Variants in SMG6 observed in about 807,000 individuals in gnomAD.
SMG6 encodes SMG6 nonsense mediated mRNA decay factor.
A neutral mutation model predicts 142.2 loss-of-function variants in SMG6; 66 were observed. The ratio of observed to expected loss-of-function variants is 0.46; its 90% CI spans 0.38 to 0.57. The LOEUF is 0.57. SMG6 is among the 20% of genes least tolerant of loss of function. SMG6 has a pLI of 0.00. For missense variants in SMG6, 1,793 were observed against 1,832.0 expected (o/e 0.98, Z 0.39); for synonymous variants, 779 against 702.4 (o/e 1.11, Z -1.72).
rs757197344 is a variant in SMG6 at position 2,061,475 on chromosome 17, G to GC, written c.*16dup. The stretch of plus-strand genomic sequence containing the variant: ...TCAGGAACGGTTCCACGGGGGGGGG[G>GC]CCCCAGTGTGGCTCCCTCAGCCCAC... On this transcript the variant is annotated 3_prime_UTR_variant, in exon 19 of 19. Coordinates refer to ENST00000263073, the MANE Select transcript of SMG6 (RefSeq NM_017575.5). 3.2e-6 allele frequency: 5 copies of GC among 1,565,316 alleles called. No individual in the cohort carries two copies. The highest frequency in any genetic ancestry group is 3.6e-5 in the Admixed American group (2 of 55,146).
chr17:2,240,810 G>A (rs563097980), intron 9 of SMG6, among the ~76,000 whole-genome samples: 5 of 152,330 alleles, frequency 3.3e-5, no homozygotes, highest in East Asian at 1.9e-4. Context: ...GAGCTTTTCC[G>A]AAAGGGCAGG....
chr17:2,105,083 A>ATTTTTTTT (rs549898049), intron 13 of SMG6, among the ~76,000 whole-genome samples: 39 of 103,154 alleles, frequency 3.8e-4, no homozygotes, highest in African/African-American at 5.4e-4. Context: ...CACCCAGCTA[A>ATTTTTTTT]TTTTTTTTTT....
Position 2,303,748 on chromosome 17 carries a change from G to T in SMG6, c.-28C>A, listed in dbSNP as rs971482721. The T allele has an allele frequency of 2.0e-6, 3 of 1,478,742 alleles. No individual in the cohort carries two copies. The highest frequency in any genetic ancestry group is 3.0e-5 in the East Asian group (1 of 33,716). 91.6% of individuals were successfully genotyped at this position (1,478,742 alleles called of 1,614,324 possible). On this transcript the variant is annotated 5_prime_UTR_variant, in exon 1 of 19. Coordinates refer to ENST00000263073, the MANE Select transcript of SMG6 (RefSeq NM_017575.5). The stretch of plus-strand genomic sequence containing the variant: ...TCGCGGCTGCTGCTACAGCCGTAGC[G>T]GCTCCGCCACCGCCGCGCGCAGCCA...
intron 13 of SMG6, among the ~76,000 whole-genome samples, chr17:2,124,324 G>T (rs552607980): frequency 3.3e-5 from 5 of 152,234 alleles, no homozygotes; most frequent in Non-Finnish European, 7.3e-5. Context: ...GTAAGGTAGA[G>T]AAATCAGTTT....
chr17:2,081,193 T>C (rs2068413129), intron 15 of SMG6, among the ~76,000 whole-genome samples: 1 of 152,078 alleles, frequency 6.6e-6, no homozygotes, highest in Non-Finnish European at 1.5e-5. Flanking sequence ...CCCCGAGCCC[T>C]AGAGGACAGC....
chr17:2,249,174 T>C (rs970011517), intron 8 of SMG6, among the ~76,000 whole-genome samples: 4 of 152,138 alleles, frequency 2.6e-5, no homozygotes, highest in Non-Finnish European at 4.4e-5. Flanking sequence ...ATTACAGGCG[T>C]GAGCCACCGC....
At chr17:2,281,622 C>T (rs2074788699) in intron 8 of SMG6, among the ~76,000 whole-genome samples, 1 of 152,208 alleles carries the variant, frequency 6.6e-6, no homozygotes, top group Non-Finnish European at 1.5e-5. Flanking sequence ...CTTCTCCAAA[C>T]ATTTTACAAA....
At chr17:2,256,209 A>AGG (rs1042553858) in intron 8 of SMG6, 3 of 150,590 alleles carry the variant, frequency 2.0e-5, no homozygotes, top group Admixed American at 6.6e-5. Context: ...AATAAGAAGA[A>AGG]AAAAAAAAAA....
Position 2,292,913 on chromosome 17 carries a change from C to T in SMG6, c.2216G>A (p.Arg739Gln), listed in dbSNP as rs748271758. The change falls in exon 5 of 19, where the codon CGG becomes CAG. Residue 739 changes from arginine to glutamine, a missense_variant. By Grantham distance (43) the Arg-to-Gln change is conservative. Coordinates refer to ENST00000263073, the MANE Select transcript of SMG6 (RefSeq NM_017575.5). ...MICQGDIARY[R>Q]EQASDTANYG... ...ATTCGCTGTATCACTGGCTTGCTCC[C>T]GGTACCTAGCAATATCTCCTTGGCA... 13 of 1,614,000 alleles carry T rather than the reference C, an allele frequency of 8.1e-6. No individual in the cohort carries two copies. Among genetic ancestry groups the T allele is most frequent in the African/African-American group, 5.3e-5 (4 of 74,894 alleles).
At chr17:2,186,876 C>A (rs1355152895) in intron 11 of SMG6, 45 bp from the exon 12 acceptor site, 2 of 1,596,950 alleles carry the variant, frequency 1.3e-6, no homozygotes, top group Admixed American at 1.7e-5. Context: ...CTGCTGTAGC[C>A]CCCGAGTGAG....
At chr17:2,208,285 C>T (rs1336785365) in intron 10 of SMG6, among the ~76,000 whole-genome samples, 1 of 152,176 alleles carries the variant, frequency 6.6e-6, no homozygotes, top group African/African-American at 2.4e-5. Flanking sequence ...TTGCCTAAGT[C>T]GTTCCTTCAA....
chr17:2,167,672 G>C (rs2071383403), intron 13 of SMG6, among the ~76,000 whole-genome samples: 1 of 152,126 alleles, frequency 6.6e-6, no homozygotes, highest in African/African-American at 2.4e-5. Flanking sequence ...TATGTGTCTG[G>C]ATCTCCCAGG....
intron 13 of SMG6, among the ~76,000 whole-genome samples, chr17:2,104,897 T>G (rs151281668): frequency 6.3e-4 from 96 of 151,934 alleles, no homozygotes; most frequent in African/African-American, 1.9e-3. Flanking sequence ...ACAAAGAGTA[T>G]AGGGAAAGGT....
In SMG6 at chr17:2,244,733, A is replaced by T. The variant is rs773795204; in HGVS notation, c.2662-14T>A. The stretch of plus-strand genomic sequence containing the variant: ...CCTTTTGTTCAGCTGCATGGGAAAA[A>T]GGGAGAGGAGAAAACAATTAAACTT... On this transcript the variant is annotated splice_polypyrimidine_tract_variant and intron_variant, in intron 8 of 18. Transcript: ENST00000263073. The T allele has an allele frequency of 2.1e-5, 34 of 1,604,002 alleles. No individual in the cohort carries two copies. The highest frequency in any genetic ancestry group is 2.8e-5 in the Non-Finnish European group (33 of 1,171,296).
intron 12 of SMG6, among the ~76,000 whole-genome samples, chr17:2,185,276 G>C (rs1398018161): frequency 1.3e-5 from 2 of 152,028 alleles, no homozygotes; most frequent in African/African-American, 4.8e-5. Flanking sequence ...CAGACACACA[G>C]AACTTTGCGC....
rs1428426281 is a variant in SMG6 at position 2,299,782 on chromosome 17, T to C, written c.971A>G (p.Lys324Arg). 3 of 1,614,238 alleles carry C rather than the reference T, an allele frequency of 1.9e-6. No individual in the cohort carries two copies. Among genetic ancestry groups the C allele is most frequent in the Non-Finnish European group, 2.5e-6 (3 of 1,180,048 alleles). The change falls in exon 2 of 19, where the codon AAG becomes AGG. Residue 324 changes from lysine to arginine, a missense_variant. Transcript: ENST00000263073. This position sits in a 1 kb window ranked among gnomAD's most constrained non-coding sequence, Gnocchi z 4.3. ...AGACCAGTTTCTTTCTAAATGTCTC[T>C]TCCTTTCTGAACTTCTCCTGGGTCC... is the stretch of plus-strand genomic sequence containing the variant. ...GLGPRRSSER[K>R]RHLERNWSGR...
chr17:2,152,081 T>TG (rs1299554098), intron 13 of SMG6, among the ~76,000 whole-genome samples: 2 of 152,208 alleles, frequency 1.3e-5, no homozygotes, highest in Non-Finnish European at 2.9e-5. Context: ...GGTATTCTGT[T>TG]GGAGTCGGCC....
intron 5 of SMG6, 33 bp from the exon 6 acceptor site, chr17:2,292,663 T>C (rs761928480): frequency 1.2e-6 from 2 of 1,610,890 alleles, no homozygotes; most frequent in Admixed American, 1.7e-5. Context: ...AAAATGCTAG[T>C]TCCAGATTAG....
At chr17:2,092,489 G>A (rs866779031) in intron 13 of SMG6, among the ~76,000 whole-genome samples, 1 of 152,204 alleles carries the variant, frequency 6.6e-6, no homozygotes, top group African/African-American at 2.4e-5. Flanking sequence ...GTAACCACCA[G>A]GTGTGTGCTG....
Sources: allele counts gnomAD v4.1 joint callset (sites outside exome capture counted in the v4.1 genomes callset), GRCh38; gene constraint gnomAD v4.1.1; non-coding constraint Gnocchi (gnomAD v3.1); transcripts MANE v1.5; gene names NCBI Gene and HGNC (gene_info 2026-07-23, HGNC 2026-07-21).